Variants in SAE1 observed in about 807,000 individuals in gnomAD.
SAE1 encodes the protein SUMO1 activating enzyme subunit 1, also known as SUMO-activating enzyme subunit 1.
In SAE1, 11 loss-of-function variants were observed where a neutral mutation model predicts 40.6. The ratio of observed to expected loss-of-function variants is 0.27; its 90% CI spans 0.17 to 0.45. The LOEUF (loss-of-function observed/expected upper bound fraction) is 0.45, where lower values mean the gene tolerates loss of function less well. SAE1 is among the 20% of genes least tolerant of loss of function. The probability of loss-of-function intolerance (pLI) is 1.00; values close to 1 mark genes in which losing one functional copy is unlikely to be tolerated. For missense variants in SAE1, 373 were observed against 427.3 expected, an observed-to-expected ratio of 0.87 and a Z score of 1.12; for synonymous variants, 155 against 154.3, an observed-to-expected ratio of 1.00 and a Z score of -0.03.
At chr19:47,140,642 A>T (rs1225025098) in intron 1 of SAE1, among the ~76,000 whole-genome samples, 1 of 146,736 alleles carries the variant, frequency 6.8e-6, no homozygotes, top group Non-Finnish European at 1.5e-5. Context: ...AAAAAAACCC[A>T]TAAATCAGCC....
At chr19:47,165,076 C>CTTTTTT (rs769656956) in intron 5 of SAE1, among the ~76,000 whole-genome samples, 31 of 59,102 alleles carry the variant, frequency 5.2e-4, no homozygotes, top group Admixed American at 8.4e-4. Context: ...TGAGCCAAGT[C>CTTTTTT]TTTTTTTTTT....
chr19:47,175,441 A>G (rs1008293075), intron 6 of SAE1, among the ~76,000 whole-genome samples: 2 of 152,160 alleles, frequency 1.3e-5, no homozygotes, highest in Non-Finnish European at 2.9e-5. Context: ...CAACATATTT[A>G]AGATATATCT....
At chr19:47,167,947 CTT>C (rs1260414224) in intron 5 of SAE1, among the ~76,000 whole-genome samples, 4 of 152,174 alleles carry the variant, frequency 2.6e-5, no homozygotes, top group Admixed American at 6.5e-5. Context: ...AATCCCAACA[CTT>C]TGGGAGACCG....
chr19:47,193,079 A>ATT (rs2058589736), intron 6 of SAE1, among the ~76,000 whole-genome samples: 1 of 140,346 alleles, frequency 7.1e-6, no homozygotes. Flanking sequence ...TTTTTTGGAG[A>ATT]CAGAGTCTTG....
intron 6 of SAE1, among the ~76,000 whole-genome samples, chr19:47,170,589 C>T (rs1209567008): frequency 6.7e-6 from 1 of 150,274 alleles, no homozygotes; most frequent in Admixed American, 6.7e-5. Context: ...TCACTGTAGC[C>T]TCTACTTCCT....
rs1307498784 is a variant in SAE1 at position 47,153,629 on chromosome 19, T to C, written c.527+589T>C. ...TTCCTACCAAGAGACTGAGAACTCT[T>C]CTCTTGTTCAGCCTCTCAGGCAAGT... On this transcript the variant is annotated intron_variant, in intron 4 of 8. Transcript: ENST00000270225. 2.0e-5 allele frequency among the ~76,000 whole-genome samples: 3 copies of C among 152,140 alleles called. No homozygotes were observed. In the East Asian group the frequency reaches 5.8e-4, roughly 29 times the overall value.
At chr19:47,208,203 C>T (rs1279529159) in intron 8 of SAE1, among the ~76,000 whole-genome samples, 1 of 152,126 alleles carries the variant, frequency 6.6e-6, no homozygotes. Context: ...TGCTGTTTGC[C>T]CAATGGTGGT....
chr19:47,154,713 C>A (rs1191497446), intron 4 of SAE1, among the ~76,000 whole-genome samples: 3 of 151,988 alleles, frequency 2.0e-5, no homozygotes, highest in Non-Finnish European at 4.4e-5. Flanking sequence ...CCAGGATGGT[C>A]TCAAACCCTT....
chr19:47,186,571 G>A (rs192959382), intron 6 of SAE1, among the ~76,000 whole-genome samples: 2 of 152,184 alleles, frequency 1.3e-5, no homozygotes, highest in Non-Finnish European at 2.9e-5. Flanking sequence ...GAGTCATCCT[G>A]GTCTTTAATT....
At chr19:47,175,117 T>C (rs2058461253) in intron 6 of SAE1, among the ~76,000 whole-genome samples, 1 of 148,030 alleles carries the variant, frequency 6.8e-6, no homozygotes, top group African/African-American at 2.5e-5. Context: ...ATTTTTTTTT[T>C]TTTTTTTTTT....
Position 47,130,851 on chromosome 19 carries a change from C to G in SAE1, c.-80C>G, listed in dbSNP as rs528599475. 13 of 1,541,604 alleles carry G rather than the reference C, an allele frequency of 8.4e-6. No individual in the cohort carries two copies. Among genetic ancestry groups the G allele is most frequent in the Admixed American group, 6.0e-5 (3 of 49,900 alleles). ...CGCAGAAGCACTCCGGGCGTGCTGC[C>G]GGCGGCGGTAGGTGGCGCGCGGGTC... On this transcript the variant is annotated 5_prime_UTR_variant, in exon 1 of 9. Coordinates refer to ENST00000270225, the MANE Select transcript of SAE1 (RefSeq NM_005500.3).
chr19:47,132,281 T>G (rs1388541799), intron 1 of SAE1, among the ~76,000 whole-genome samples: 1 of 151,316 alleles, frequency 6.6e-6, no homozygotes, highest in Non-Finnish European at 1.5e-5. Context: ...TTTTTTTTCT[T>G]TCTCTGTGGC....
chr19:47,135,137 G>A (rs866305027), intron 1 of SAE1, among the ~76,000 whole-genome samples: 73 of 152,148 alleles, frequency 4.8e-4, no homozygotes, highest in Admixed American at 1.0e-3. Context: ...GGTAAATGGG[G>A]TATCCACCAC....
At chr19:47,151,799 A>G (rs2123210568) in intron 3 of SAE1, among the ~76,000 whole-genome samples, 1 of 152,262 alleles carries the variant, frequency 6.6e-6, no homozygotes, top group Middle Eastern at 3.4e-3. Flanking sequence ...TGTCCCTTGA[A>G]CTTGTAGAGT....
chr19:47,153,556 T>C (rs1038244172), intron 4 of SAE1, among the ~76,000 whole-genome samples: 1 of 152,106 alleles, frequency 6.6e-6, no homozygotes, highest in African/African-American at 2.4e-5. Flanking sequence ...TCCAAAACCC[T>C]CCAACTTGCT....
intron 1 of SAE1, among the ~76,000 whole-genome samples, chr19:47,139,547 T>G (rs2058204754): frequency 6.6e-6 from 1 of 151,502 alleles, no homozygotes; most frequent in Non-Finnish European, 1.5e-5. Context: ...TTGTGGAACT[T>G]GAGGGAAGTA....
rs567564903 is a variant in SAE1 at position 47,154,684 on chromosome 19, C to T, written c.528-430C>T. Among the ~76,000 whole-genome samples, 14 of 151,652 alleles carry T rather than the reference C, an allele frequency of 9.2e-5. No homozygotes were observed. In the South Asian group the frequency reaches 2.3e-3, roughly 25 times the overall value. ...TAGTTTTTTGTATTTTTAGTAGAGACGGGGTTTTGCTATGTTGGCCAGGAT... is the reference window on the plus strand; with the variant it reads ...TAGTTTTTTGTATTTTTAGTAGAGATGGGGTTTTGCTATGTTGGCCAGGAT... On this transcript the variant is annotated intron_variant, in intron 4 of 8. Coordinates refer to ENST00000270225, the MANE Select transcript of SAE1 (RefSeq NM_005500.3).
intron 6 of SAE1, among the ~76,000 whole-genome samples, chr19:47,196,722 T>C (rs2058618876): frequency 6.6e-6 from 1 of 151,922 alleles, no homozygotes; most frequent in East Asian, 1.9e-4. Context: ...TTCTGCCCCC[T>C]TCAAACTCAT....
rs546291846 is a variant in SAE1 at position 47,192,187 on chromosome 19, T to A, written c.734-5046T>A. On this transcript the variant is annotated intron_variant, in intron 6 of 8. Transcript: ENST00000270225. ...ACATGGCTTAGCACTCATGTGATCT[T>A]CACGATAACCTGGTGAGCGGGTAAT... is the stretch of plus-strand genomic sequence containing the variant. 2.0e-5 allele frequency among the ~76,000 whole-genome samples: 3 copies of A among 152,310 alleles called. No homozygotes were observed. The South Asian group carries it at 6.2e-4, about 32-fold the overall frequency.
Sources: gnomAD v4.1 joint callset for allele counts (sites outside exome capture counted in the v4.1 genomes callset) on GRCh38, gnomAD v4.1.1 for gene constraint, MANE v1.5 for transcripts, NCBI Gene and HGNC (gene_info 2026-07-23, HGNC 2026-07-21) for gene names.